The following CCDC50 variants were observed in gnomAD, a reference collection of about 807,000 sequenced individuals.
The protein encoded by CCDC50 is coiled-coil domain-containing protein 50.
Under a neutral mutation model 70.2 loss-of-function variants are expected in CCDC50, and 54 were observed. The observed-to-expected ratio is 0.77, with a 90% confidence interval of 0.62 to 0.96. CCDC50 has a LOEUF of 0.96. Ranked by LOEUF, CCDC50 falls within the 50% of genes least tolerant of loss-of-function variation. The pLI, the probability that CCDC50 is intolerant of heterozygous loss-of-function variation, is 0.00. For synonymous variants in CCDC50, 216 were observed against 198.8 expected (o/e 1.09, Z -0.73); for missense variants, 558 against 578.7 (o/e 0.96, Z 0.37).
chr3:191,363,798 C>T (rs1177763409), intron 4 of CCDC50, among the ~76,000 whole-genome samples: 1 of 152,140 alleles, frequency 6.6e-6, no homozygotes, highest in Non-Finnish European at 1.5e-5. Flanking sequence ...GACTTTTTGA[C>T]TTTTCAACTC....
chr3:191,338,897 C>T (rs1241755304), intron 1 of CCDC50, among the ~76,000 whole-genome samples: 1 of 152,062 alleles, frequency 6.6e-6, no homozygotes, highest in African/African-American at 2.4e-5. Flanking sequence ...GTACACGTTC[C>T]AGTAAAGTGA....
intron 1 of CCDC50, among the ~76,000 whole-genome samples, chr3:191,343,585 A>G (rs1269910797): frequency 1.3e-5 from 2 of 152,258 alleles, no homozygotes; most frequent in Admixed American, 6.5e-5. Flanking sequence ...AAGAGTAATT[A>G]GTTGCTAAGT....
At chr3:191,367,168 G>A (rs1366531256) in intron 4 of CCDC50, among the ~76,000 whole-genome samples, 8 of 152,004 alleles carry the variant, frequency 5.3e-5, no homozygotes, top group Non-Finnish European at 1.2e-4. Flanking sequence ...TGCATGACAT[G>A]TTATGATTAT....
chr3:191,389,694 G>T, intron 11 of CCDC50, 92 bp downstream of exon 11: 1 of 952,712 alleles, frequency 1.0e-6, no homozygotes, highest in Non-Finnish European at 1.7e-6. Flanking sequence ...TGTTCCACTA[G>T]AGTGGAAAAA....
intron 1 of CCDC50, among the ~76,000 whole-genome samples, chr3:191,333,251 A>C (rs538026245): frequency 3.9e-5 from 6 of 152,226 alleles, no homozygotes; most frequent in African/African-American, 1.4e-4. Context: ...ACATTTTTAG[A>C]AATGTCTGTA....
At chr3:191,341,679 C>T (rs1425933425) in intron 1 of CCDC50, among the ~76,000 whole-genome samples, 1 of 152,074 alleles carries the variant, frequency 6.6e-6, no homozygotes, top group East Asian at 1.9e-4. Context: ...CAAGAGTTCA[C>T]ATGTAACTGA....
intron 6 of CCDC50, among the ~76,000 whole-genome samples, chr3:191,377,831 G>A (rs1021989607): frequency 6.6e-6 from 1 of 152,040 alleles, no homozygotes; most frequent in Non-Finnish European, 1.5e-5. Flanking sequence ...AAAAGACAAG[G>A]AAATGTGAAA....
At chr3:191,354,087 T>C (rs1026793729) in intron 1 of CCDC50, among the ~76,000 whole-genome samples, 2 of 152,212 alleles carry the variant, frequency 1.3e-5, no homozygotes, top group African/African-American at 4.8e-5. Flanking sequence ...TTTAGCAATA[T>C]GTGCTGTTGA....
intron 5 of CCDC50, 173 bp downstream of exon 5, chr3:191,370,209 T>C (rs1712852945): frequency 1.8e-6 from 1 of 568,378 alleles, no homozygotes; most frequent in Non-Finnish European, 3.2e-6. Context: ...AATTCATGTT[T>C]TGTTTTGTTT....
chr3:191,377,505 A>G (rs1388893489), intron 6 of CCDC50, among the ~76,000 whole-genome samples: 4 of 152,190 alleles, frequency 2.6e-5, no homozygotes, highest in African/African-American at 7.2e-5. Context: ...CTATTGGACT[A>G]TAAATTCTTA....
chr3:191,382,775 G>C lies in CCDC50; in HGVS notation c.1272G>C (p.Lys424Asn), dbSNP rs770467101. ...KPKTAKAANS[K>N]SKESDEPHHS... The stretch of plus-strand genomic sequence containing the variant: ...AAACAGCTAAAGCAGCAAATTCCAA[G>C]TCAAAAGAGAGTGATGAACCTCACC... The change falls in exon 10 of 12, where the codon AAG becomes AAC. Residue 424 changes from lysine (K) to asparagine (N), a missense_variant. Transcript: ENST00000392455. The C allele has an allele frequency of 1.2e-6, 2 of 1,613,116 alleles. No individual in the cohort carries two copies. The highest frequency in any genetic ancestry group is 1.7e-6 in the Non-Finnish European group (2 of 1,179,264).
intron 10 of CCDC50, among the ~76,000 whole-genome samples, chr3:191,388,688 C>A (rs946430466): frequency 6.6e-6 from 1 of 152,158 alleles, no homozygotes; most frequent in African/African-American, 2.4e-5. Context: ...CTTCAGAATA[C>A]TTATGCCTTC....
chr3:191,334,051 G>T (rs957618523), intron 1 of CCDC50, among the ~76,000 whole-genome samples: 1 of 152,050 alleles, frequency 6.6e-6, no homozygotes, highest in Admixed American at 6.5e-5. Flanking sequence ...TTTTACTTGA[G>T]TAATAATAGG....
At position 191,391,793 on chromosome 3, in the gene CCDC50, C is replaced by CTA. The variant is rs1418338685; in HGVS notation, c.*36_*37dup. The CTA allele has an allele frequency of 1.6e-5, 26 of 1,591,432 alleles. No homozygotes were observed. The African/African-American group carries it at 2.8e-4, about 17-fold the overall frequency. On this transcript the variant is annotated 3_prime_UTR_variant, in exon 12 of 12. Coordinates refer to ENST00000392455, the MANE Select transcript of CCDC50 (RefSeq NM_178335.3). ...GGAATCTGCCTTGAAAATGGACTCA[C>CTA]TATAGCAAATATTACTGGGTGATAC...
chr3:191,334,558 T>C (rs971089847), intron 1 of CCDC50, among the ~76,000 whole-genome samples: 1 of 152,110 alleles, frequency 6.6e-6, no homozygotes, highest in Non-Finnish European at 1.5e-5. Context: ...AAGTGAGTTG[T>C]ATTAAACCAC....
intron 1 of CCDC50, among the ~76,000 whole-genome samples, chr3:191,345,838 G>T (rs1711897199): frequency 6.6e-6 from 1 of 152,156 alleles, no homozygotes; most frequent in Admixed American, 6.6e-5. Flanking sequence ...TTCGCAGTGT[G>T]TTTGTTGAAG....
intron 6 of CCDC50, among the ~76,000 whole-genome samples, chr3:191,377,963 A>T (rs186395825): frequency 6.6e-6 from 1 of 152,148 alleles, no homozygotes; most frequent in African/African-American, 2.4e-5. Context: ...AGTTAATTAC[A>T]TTTAAAAAAT....
At chr3:191,389,927 C>A (rs952563460) in intron 11 of CCDC50, among the ~76,000 whole-genome samples, 1 of 127,972 alleles carries the variant, frequency 7.8e-6, no homozygotes, top group Non-Finnish European at 1.5e-5. Flanking sequence ...GTGGCATGAT[C>A]TTGGCTCTCT....
chr3:191,336,290 G>A (rs1365327753), intron 1 of CCDC50, among the ~76,000 whole-genome samples: 1 of 152,090 alleles, frequency 6.6e-6, no homozygotes, highest in Non-Finnish European at 1.5e-5. Flanking sequence ...ATGTATGTGA[G>A]CTCCAGTTGT....
Sources: allele counts gnomAD v4.1 joint callset (sites outside exome capture counted in the v4.1 genomes callset), GRCh38; gene constraint gnomAD v4.1.1; transcripts MANE v1.5; gene names NCBI Gene and HGNC (gene_info 2026-07-23, HGNC 2026-07-21).